HS6ST3: variants seen among roughly 807,000 people sequenced by gnomAD.
HS6ST3 encodes the protein heparan sulfate 6-O-sulfotransferase 3.
In HS6ST3, 12 loss-of-function variants were observed where a neutral mutation model predicts 36.7. The observed-to-expected ratio is 0.33, with a 90% CI of 0.21 to 0.53. HS6ST3 has a LOEUF of 0.53. Among genes scored for constraint, HS6ST3 ranks in the 20% least tolerant of loss-of-function variants. HS6ST3 has a pLI of 0.95. For missense variants in HS6ST3, 584 were observed against 640.9 expected, an observed-to-expected ratio of 0.91 and a Z score of 0.96; for synonymous variants, 240 against 257.5, an observed-to-expected ratio of 0.93 and a Z score of 0.65.
intron 1 of HS6ST3, among the ~76,000 whole-genome samples, chr13:96,667,902 C>T (rs2056669484): frequency 6.6e-6 from 1 of 152,114 alleles, no homozygotes; most frequent in African/African-American, 2.4e-5. Flanking sequence ...TCTGTAAACC[C>T]AGAAGCCACA....
chr13:96,162,470 G>A (rs911251284), intron 1 of HS6ST3, among the ~76,000 whole-genome samples: 1 of 152,156 alleles, frequency 6.6e-6, no homozygotes, highest in Non-Finnish European at 1.5e-5. Flanking sequence ...TGGGACCTTT[G>A]GGTTTGGAGG....
At chr13:96,565,991 A>T (rs980514502) in intron 1 of HS6ST3, among the ~76,000 whole-genome samples, 1 of 152,204 alleles carries the variant, frequency 6.6e-6, no homozygotes, top group South Asian at 2.1e-4. Flanking sequence ...TTATTCATAC[A>T]TACAATAAGT....
intron 1 of HS6ST3, among the ~76,000 whole-genome samples, chr13:96,507,469 C>A (rs958142719): frequency 2.0e-5 from 3 of 152,000 alleles, no homozygotes; most frequent in Middle Eastern, 3.2e-3. Flanking sequence ...TAGGGTTTTG[C>A]AACTAGGATC....
chr13:96,836,599 G>A lies in HS6ST3; in HGVS notation c.*3401G>A, dbSNP rs966960502. 13 of 152,124 alleles carry A rather than the reference G, an allele frequency of 8.5e-5. No individual in the cohort carries two copies. The highest frequency in any genetic ancestry group is 1.5e-4 in the Non-Finnish European group (10 of 68,030). 9.4% of individuals were successfully genotyped at this position (152,124 alleles called of 1,614,324 possible). ...TAATTAGTTTGATTAAAAGTTTGAA[G>A]TATGAGGACTCCTTGTTATGCCTTT... On this transcript the variant is annotated 3_prime_UTR_variant, in exon 2 of 2. Transcript: ENST00000376705.
chr13:96,173,885 CAAAG>C (rs1307331813), intron 1 of HS6ST3, among the ~76,000 whole-genome samples: 1 of 151,724 alleles, frequency 6.6e-6, no homozygotes, highest in Non-Finnish European at 1.5e-5. Flanking sequence ...AGTTACATGG[CAAAG>C]AGAGCAAGAG....
intron 1 of HS6ST3, among the ~76,000 whole-genome samples, chr13:96,353,034 A>G (rs2055191376): frequency 7.1e-6 from 1 of 141,250 alleles, no homozygotes; most frequent in Admixed American, 7.2e-5. Context: ...TGTTTACTAG[A>G]GCTAGCGTAT....
intron 1 of HS6ST3, among the ~76,000 whole-genome samples, chr13:96,476,350 A>C (rs573828063): frequency 1.3e-3 from 196 of 152,018 alleles, no homozygotes; most frequent in Non-Finnish European, 2.2e-3. Context: ...TCCTTGAGAC[A>C]GTTTTCTTTT....
chr13:96,579,200 A>C (rs1250143313), intron 1 of HS6ST3, among the ~76,000 whole-genome samples: 1 of 152,184 alleles, frequency 6.6e-6, no homozygotes, highest in African/African-American at 2.4e-5. Flanking sequence ...ATTTTGTACA[A>C]GATCTGTTTT....
chr13:96,523,632 A>T (rs1042296319), intron 1 of HS6ST3, among the ~76,000 whole-genome samples: 1 of 151,844 alleles, frequency 6.6e-6, no homozygotes, highest in Non-Finnish European at 1.5e-5. Context: ...TTAATCACTG[A>T]TACCCTTTCT....
chr13:96,462,465 A>C (rs146008636), intron 1 of HS6ST3, among the ~76,000 whole-genome samples: 5 of 152,350 alleles, frequency 3.3e-5, no homozygotes, highest in Non-Finnish European at 7.3e-5. Flanking sequence ...GTGTATAATG[A>C]AACTTTATTA....
At chr13:96,591,626 A>C (rs2056382587) in intron 1 of HS6ST3, among the ~76,000 whole-genome samples, 2 of 152,126 alleles carry the variant, frequency 1.3e-5, no homozygotes, top group Admixed American at 1.3e-4. Flanking sequence ...CAAATATAGG[A>C]TCATTTCATC....
At chr13:96,228,299 C>T (rs1439187813) in intron 1 of HS6ST3, among the ~76,000 whole-genome samples, 2 of 152,206 alleles carry the variant, frequency 1.3e-5, no homozygotes, top group Non-Finnish European at 2.9e-5. Context: ...TCCTGTGTCA[C>T]TCAGGCTGGA....
At chr13:96,757,842 T>G (rs904347179) in intron 1 of HS6ST3, among the ~76,000 whole-genome samples, 9 of 152,134 alleles carry the variant, frequency 5.9e-5, no homozygotes, top group African/African-American at 2.2e-4. Flanking sequence ...ATGCATTATC[T>G]TTTTTACACA....
intron 1 of HS6ST3, among the ~76,000 whole-genome samples, chr13:96,361,044 T>C (rs536829715): frequency 6.6e-6 from 1 of 152,258 alleles, no homozygotes; most frequent in South Asian, 2.1e-4. Flanking sequence ...GGAAACACTA[T>C]GCAAGAATGG....
chr13:96,357,193 A>C (rs978394973), intron 1 of HS6ST3, among the ~76,000 whole-genome samples: 1 of 152,156 alleles, frequency 6.6e-6, no homozygotes. Context: ...AACTTTCTTC[A>C]TATTGACGAT....
At chr13:96,729,712 G>A (rs1443253328) in intron 1 of HS6ST3, among the ~76,000 whole-genome samples, 1 of 151,970 alleles carries the variant, frequency 6.6e-6, no homozygotes, top group South Asian at 2.1e-4. Context: ...AGTGATACCC[G>A]ACTTTGGCTT....
intron 1 of HS6ST3, among the ~76,000 whole-genome samples, chr13:96,816,037 T>G (rs1878415757): frequency 6.6e-6 from 1 of 152,156 alleles, no homozygotes; most frequent in Admixed American, 6.5e-5. Context: ...CTAGACTAAA[T>G]TTAAATCCCC....
chr13:96,445,065 G>A (rs2055691689), intron 1 of HS6ST3, among the ~76,000 whole-genome samples: 1 of 152,188 alleles, frequency 6.6e-6, no homozygotes, highest in Non-Finnish European at 1.5e-5. Flanking sequence ...GAGGTCGATT[G>A]TAGAGTCAGA....
intron 1 of HS6ST3, among the ~76,000 whole-genome samples, chr13:96,716,015 G>T (rs1231148691): frequency 6.6e-6 from 1 of 151,368 alleles, no homozygotes; most frequent in Non-Finnish European, 1.5e-5. Flanking sequence ...TTTCTCTGTG[G>T]TATACTAAAA....
Sources: allele counts gnomAD v4.1 joint callset (sites outside exome capture counted in the v4.1 genomes callset), GRCh38; gene constraint gnomAD v4.1.1; transcripts MANE v1.5; gene names NCBI Gene and HGNC (gene_info 2026-07-23, HGNC 2026-07-21).